Variants in LCOR observed in about 807,000 individuals in gnomAD.
LCOR encodes the protein ligand-dependent corepressor.
LCOR carries 14 observed loss-of-function variants against 64.4 expected under a neutral mutation model. The observed-to-expected ratio is 0.22, with a 90% CI of 0.14 to 0.34. LCOR has a LOEUF of 0.34. Ranked by LOEUF, LCOR falls within the 10% of genes least tolerant of loss-of-function variation. The pLI is 1.00. For missense variants in LCOR, 1,686 were observed against 1,765.3 expected, an observed-to-expected ratio of 0.96 and a Z score of 0.80; for synonymous variants, 643 against 642.5, an observed-to-expected ratio of 1.00 and a Z score of -0.01.
intron 4 of LCOR, among the ~76,000 whole-genome samples, chr10:96,924,291 C>G (rs1432369931): frequency 6.6e-6 from 1 of 152,148 alleles, no homozygotes; most frequent in African/African-American, 2.4e-5. Context: ...CAGCTTCAAC[C>G]TCCTGGGCTC....
chr10:96,983,133 C>T lies in LCOR; in HGVS notation c.2673C>T (p.Arg891=), dbSNP rs747762742. The change falls in exon 8 of 8, where the codon CGC becomes CGT. Residue 891 remains arginine, a synonymous_variant. Coordinates refer to ENST00000421806, the MANE Select transcript of LCOR (RefSeq NM_001346516.2). This position sits in a 1 kb window ranked among gnomAD's most constrained non-coding sequence, Gnocchi z 4.5. The part of the protein sequence containing the change: ...EDTEKPSVNE[R]PSEKDAEQEG... ...CAGAAAAGCCAAGTGTCAATGAACGCCCCTCTGAGAAAGATGCTGAGCAGG... is the reference window on the plus strand; with the variant it reads ...CAGAAAAGCCAAGTGTCAATGAACGTCCCTCTGAGAAAGATGCTGAGCAGG... 2 of 1,613,818 alleles carry T rather than the reference C, an allele frequency of 1.2e-6. No homozygotes were observed. Among genetic ancestry groups the T allele is most frequent in the South Asian group, 1.1e-5 (1 of 91,076 alleles).
Position 96,992,609 on chromosome 10 carries a change from G to A in LCOR, c.*7475G>A, listed in dbSNP as rs908141242. ...ATGCAGCCTACTTCTTGCATGCACA[G>A]TTGGTACATTTAGCTGTATGGCATC... On this transcript the variant is annotated 3_prime_UTR_variant, in exon 8 of 8. Coordinates refer to ENST00000421806, the MANE Select transcript of LCOR (RefSeq NM_001346516.2). The A allele has an allele frequency of 6.6e-6, 1 of 152,284 alleles. No homozygotes were observed. Among genetic ancestry groups the A allele is most frequent in the South Asian group, 2.1e-4 (1 of 4,832 alleles). 9.4% of individuals were successfully genotyped at this position (152,284 alleles called of 1,614,324 possible).
At chr10:96,955,262 A>G (rs371922944) in intron 7 of LCOR, 2 of 1,613,994 alleles carry the variant, frequency 1.2e-6, no homozygotes, top group Non-Finnish European at 1.7e-6. Flanking sequence ...GAAATGGTGC[A>G]CTCAGCAACA....
chr10:96,874,521 A>G (rs1282465985), intron 2 of LCOR, among the ~76,000 whole-genome samples: 2 of 152,168 alleles, frequency 1.3e-5, no homozygotes, highest in Non-Finnish European at 2.9e-5. Flanking sequence ...TTATGCCAGT[A>G]ACTGACCGAG....
rs1325547770 is a variant in LCOR at position 96,832,945 on chromosome 10, G to A, written c.-403-461G>A. On this transcript the variant is annotated intron_variant, in intron 1 of 7. Transcript: ENST00000421806. Reference sequence around the variant, plus strand: ...GGCGGGCTGCAGGCGGGCGCCCGGCGCTCGGGCGTGTGCGAAGCGTGAGGT... The same window carrying A: ...GGCGGGCTGCAGGCGGGCGCCCGGCACTCGGGCGTGTGCGAAGCGTGAGGT... 4 of 973,216 alleles carry A rather than the reference G, an allele frequency of 4.1e-6. No individual in the cohort carries two copies. The East Asian group carries it at 4.6e-4, about 112-fold the overall frequency. 60.3% of individuals were successfully genotyped at this position (973,216 alleles called of 1,614,324 possible).
intron 4 of LCOR, 47 bp downstream of exon 4, chr10:96,907,794 G>C (rs1354967534): frequency 1.6e-6 from 1 of 612,504 alleles, no homozygotes; most frequent in East Asian, 1.4e-4. Flanking sequence ...GTATTTTAAA[G>C]TTTTCATCTT....
chr10:96,989,208 G>A lies in LCOR; in HGVS notation c.*4074G>A, dbSNP rs1464549909. ...AAACCATCACAGTAGCCAAAATGAG[G>A]CCACCTTACCGTATCGAGCCGGAAC... On this transcript the variant is annotated 3_prime_UTR_variant, in exon 8 of 8. Transcript: ENST00000421806. 2 of 152,038 alleles carry A rather than the reference G, an allele frequency of 1.3e-5. No homozygotes were observed. Among genetic ancestry groups the A allele is most frequent in the African/African-American group, 4.8e-5 (2 of 41,388 alleles). The allele number at this position is 152,038 out of a possible 1,614,324, so 9.4% of individuals were successfully genotyped here.
At chr10:96,862,355 C>T (rs1845901228) in intron 2 of LCOR, among the ~76,000 whole-genome samples, 1 of 152,112 alleles carries the variant, frequency 6.6e-6, no homozygotes, top group African/African-American at 2.4e-5. Flanking sequence ...CTCACTGCAG[C>T]CTCGATCTGA....
chr10:96,920,802 G>T (rs1218614558), intron 4 of LCOR, among the ~76,000 whole-genome samples: 1 of 146,564 alleles, frequency 6.8e-6, no homozygotes, highest in African/African-American at 2.6e-5. Context: ...GCGCGGTGGG[G>T]GGGTGGTGGG....
At chr10:96,963,932 C>G (rs1445124457) in intron 7 of LCOR, 1 of 152,052 alleles carries the variant, frequency 6.6e-6, no homozygotes, top group Non-Finnish European at 1.5e-5. Context: ...AAACAGGAAC[C>G]CCCTTTACTC....
chr10:96,933,216 A>G (rs1003601602), intron 4 of LCOR, among the ~76,000 whole-genome samples: 5 of 152,172 alleles, frequency 3.3e-5, no homozygotes, highest in South Asian at 2.1e-4. Flanking sequence ...CATAGCTAAG[A>G]TTGTTGAGAA....
rs181955388 is a variant in LCOR at position 96,954,054 on chromosome 10, T to G, written c.332+1858T>G. Among the ~76,000 whole-genome samples the G allele has an allele frequency of 1.6e-4, 25 of 152,310 alleles. No individual in the cohort carries two copies. The East Asian group carries it at 3.9e-3, about 24-fold the overall frequency. On this transcript the variant is annotated intron_variant, in intron 7 of 7. Coordinates refer to ENST00000421806, the MANE Select transcript of LCOR (RefSeq NM_001346516.2). ...AAGCCGTCCATTTGAAATTTCAAAA[T>G]AGGTGTTTGGTATTTCAAGAAGGGA...
intron 4 of LCOR, among the ~76,000 whole-genome samples, chr10:96,929,079 A>G (rs1374209903): frequency 6.6e-6 from 1 of 152,206 alleles, no homozygotes; most frequent in Non-Finnish European, 1.5e-5. Flanking sequence ...GAGTTAGCAT[A>G]ATTCTTAAGG....
chr10:96,883,953 G>A (rs1231736065), intron 2 of LCOR, among the ~76,000 whole-genome samples: 2 of 152,138 alleles, frequency 1.3e-5, no homozygotes, highest in Non-Finnish European at 2.9e-5. Flanking sequence ...TTTTAAAACA[G>A]TGATATAGAT....
intron 4 of LCOR, among the ~76,000 whole-genome samples, chr10:96,938,680 A>G (rs1847394671): frequency 6.6e-6 from 1 of 152,254 alleles, no homozygotes; most frequent in South Asian, 2.1e-4. Context: ...CAAGTTCAGC[A>G]AGGTTCAGAA....
chr10:96,957,160 T>G, intron 7 of LCOR: 1 of 984,480 alleles, frequency 1.0e-6, no homozygotes, highest in Non-Finnish European at 1.2e-6. Flanking sequence ...GAGGGAGAGG[T>G]GTTGGGTTTT....
intron 7 of LCOR, among the ~76,000 whole-genome samples, chr10:96,967,784 G>A (rs1847964149): frequency 6.6e-6 from 1 of 152,150 alleles, no homozygotes. Context: ...AAGTGTGTAT[G>A]AATGTGATAC....
intron 2 of LCOR, among the ~76,000 whole-genome samples, chr10:96,895,412 C>T (rs548112656): frequency 6.6e-6 from 1 of 152,228 alleles, no homozygotes; most frequent in Non-Finnish European, 1.5e-5. Context: ...CTACCCTCTA[C>T]CGCCATTGCT....
At chr10:96,873,586 G>A (rs774344912) in intron 2 of LCOR, among the ~76,000 whole-genome samples, 19,053 of 145,444 alleles carry the variant, frequency 0.13, 1,669 homozygotes, top group African/African-American at 0.25. Context: ...GTGTGTGTGT[G>A]TGTGTGTGTG....
Sources: allele counts gnomAD v4.1 joint callset (sites outside exome capture counted in the v4.1 genomes callset), GRCh38; gene constraint gnomAD v4.1.1; non-coding constraint Gnocchi (gnomAD v3.1); transcripts MANE v1.5; gene names NCBI Gene and HGNC (gene_info 2026-07-23, HGNC 2026-07-21).